The following APPBP2 variants were observed in gnomAD, a reference collection of about 807,000 sequenced individuals.
APPBP2 encodes amyloid protein-binding protein 2.
In APPBP2, 15 loss-of-function variants were observed where a neutral mutation model predicts 76.0. The ratio of observed to expected loss-of-function variants is 0.20; its 90% CI spans 0.13 to 0.30. APPBP2 has a LOEUF of 0.30. Among genes scored for constraint, APPBP2 ranks in the 10% least tolerant of loss-of-function variants. APPBP2 has a pLI of 1.00. For missense variants in APPBP2, 401 were observed against 687.2 expected, an observed-to-expected ratio of 0.58 and a Z score of 4.66; for synonymous variants, 222 against 242.2, an observed-to-expected ratio of 0.92 and a Z score of 0.77.
chr17:60,504,178 T>A (rs774281673), intron 1 of APPBP2, among the ~76,000 whole-genome samples: 1 of 152,184 alleles, frequency 6.6e-6, no homozygotes, highest in Non-Finnish European at 1.5e-5. Context: ...ATAATGAAGC[T>A]ATTAAAGGGC....
intron 1 of APPBP2, among the ~76,000 whole-genome samples, chr17:60,502,490 A>ATCC (rs1257091940): frequency 2.7e-5 from 4 of 148,288 alleles, no homozygotes; most frequent in African/African-American, 1.1e-4. Context: ...CTAAGACAAC[A>ATCC]ATCTTAGCTT....
rs1442318671 is a variant in APPBP2, at chr17:60,447,493, C to T, written c.*88G>A. ...CTGGACCAGTGTTTCAATGCAAATT[C>T]CAGCCCCCCAAAACAACATGGTTTT... On this transcript the variant is annotated 3_prime_UTR_variant, in exon 13 of 13. Coordinates refer to ENST00000083182, the MANE Select transcript of APPBP2 (RefSeq NM_006380.5). The T allele has an allele frequency of 2.0e-6, 3 of 1,478,386 alleles. No homozygotes were observed. The highest frequency in any genetic ancestry group is 2.7e-6 in the Non-Finnish European group (3 of 1,105,540). The allele number at this position is 1,478,386 out of a possible 1,614,324, so 91.6% of individuals were successfully genotyped here. A position where few individuals can be genotyped will look rare whatever the true frequency, so the allele number is the denominator to read the frequency against.
At chr17:60,515,272 T>C (rs890555728) in intron 1 of APPBP2, among the ~76,000 whole-genome samples, 3 of 151,902 alleles carry the variant, frequency 2.0e-5, no homozygotes, top group African/African-American at 4.8e-5. Context: ...CCAGCCACCA[T>C]GCCTGGCTAA....
intron 1 of APPBP2, among the ~76,000 whole-genome samples, chr17:60,512,413 T>C (rs1355710408): frequency 1.3e-5 from 2 of 152,126 alleles, no homozygotes; most frequent in African/African-American, 2.4e-5. Context: ...CTATATTGCA[T>C]ATAGAAAAAT....
intron 2 of APPBP2, among the ~76,000 whole-genome samples, chr17:60,498,473 T>A (rs1375324626): frequency 6.6e-6 from 1 of 152,114 alleles, no homozygotes; most frequent in Non-Finnish European, 1.5e-5. Context: ...CCAAAAAACA[T>A]TTACAAGAAT....
At chr17:60,510,026 C>G (rs528754286) in intron 1 of APPBP2, among the ~76,000 whole-genome samples, 2 of 150,674 alleles carry the variant, frequency 1.3e-5, no homozygotes, top group African/African-American at 5.0e-5. Flanking sequence ...TCCTTTACCT[C>G]TAACATAAAA....
intron 1 of APPBP2, 47 bp from the exon 2 acceptor site, chr17:60,500,534 C>T (rs1567936550): frequency 7.8e-7 from 1 of 1,277,254 alleles, no homozygotes; most frequent in African/African-American, 1.5e-5. Context: ...TTTAATTCTT[C>T]TTTTTACTTT....
At chr17:60,467,159 T>C (rs2090517329) in intron 4 of APPBP2, among the ~76,000 whole-genome samples, 1 of 152,180 alleles carries the variant, frequency 6.6e-6, no homozygotes, top group African/African-American at 2.4e-5. Context: ...TATTTATTTA[T>C]TTATTTATTT....
intron 11 of APPBP2, among the ~76,000 whole-genome samples, chr17:60,453,130 T>C (rs930579296): frequency 5.3e-5 from 8 of 152,196 alleles, no homozygotes; most frequent in South Asian, 2.1e-4. Flanking sequence ...GTTTGAAATA[T>C]AGCAATCATA....
chr17:60,490,038 A>C (rs1157038668), intron 3 of APPBP2, among the ~76,000 whole-genome samples: 2 of 115,310 alleles, frequency 1.7e-5, no homozygotes, highest in Non-Finnish European at 3.0e-5. Context: ...CCATCTCAGA[A>C]AACAAAACAA....
At chr17:60,465,729 A>C (rs879037655) in intron 5 of APPBP2, among the ~76,000 whole-genome samples, 1 of 152,152 alleles carries the variant, frequency 6.6e-6, no homozygotes, top group Non-Finnish European at 1.5e-5. Flanking sequence ...GCCCAACCAA[A>C]CAATTTAGGC....
In APPBP2 at chr17:60,466,347, C is replaced by A; in HGVS notation, c.616G>T (p.Ala206Ser). 2.5e-6 allele frequency: 4 copies of A among 1,613,998 alleles called. No homozygotes were observed. Among genetic ancestry groups the A allele is most frequent in the Non-Finnish European group, 3.4e-6 (4 of 1,179,992 alleles). Residue 206 changes from alanine (A) to serine (S), a missense_variant, in exon 5 of 13, where the codon GCT becomes TCT. Coordinates refer to ENST00000083182, the MANE Select transcript of APPBP2 (RefSeq NM_006380.5). ...GCACACAGTTCTCCATAGAGTGCAG[C>A]TTTATTTGCTTGCTGGCCATGTTTT... is the stretch of plus-strand genomic sequence containing the variant. ...LSKHGQQANK[A>S]ALYGELCALL...
At chr17:60,466,634 G>A (rs1352579171) in intron 4 of APPBP2, among the ~76,000 whole-genome samples, 175 bp from the exon 5 acceptor site, 3 of 152,148 alleles carry the variant, frequency 2.0e-5, no homozygotes, top group Non-Finnish European at 4.4e-5. Context: ...AGAAGTACAT[G>A]CTCTTTCCTG....
At position 60,494,522 on chromosome 17, in the gene APPBP2, A is replaced by G; in HGVS notation, c.323T>C (p.Ile108Thr). The change falls in exon 3 of 13, where the codon ATA becomes ACA. Residue 108 changes from isoleucine (I) to threonine (T), a missense_variant. Ile to Thr is a moderately conservative substitution (Grantham distance 89). Transcript: ENST00000083182. ...CTTTACTGCAGCATCTGATTCTGCT[A>G]TATAAGAGCACCGCCTACTGAATGA... Reference protein sequence around the residue: ...AYSFSRRCSYIAESDAAVKEK... With the variant: ...AYSFSRRCSYTAESDAAVKEK... 1.2e-6 allele frequency: 2 copies of G among 1,612,616 alleles called. No homozygotes were observed. The highest frequency in any genetic ancestry group is 2.2e-5 in the East Asian group (1 of 44,832).
chr17:60,455,163 G>A (rs1004839348), intron 10 of APPBP2, among the ~76,000 whole-genome samples: 2 of 151,868 alleles, frequency 1.3e-5, no homozygotes, highest in Non-Finnish European at 2.9e-5. Flanking sequence ...AATAATAAAG[G>A]TAAGGTTAAA....
At chr17:60,474,685 T>G (rs1274603895) in intron 4 of APPBP2, among the ~76,000 whole-genome samples, 1 of 152,168 alleles carries the variant, frequency 6.6e-6, no homozygotes, top group African/African-American at 2.4e-5. Flanking sequence ...CTGTAATAGG[T>G]TTGACGTGGT....
rs1350491400 is a variant in APPBP2, at chr17:60,445,106, A to G, written c.*2475T>C. On this transcript the variant is annotated 3_prime_UTR_variant, in exon 13 of 13. Transcript: ENST00000083182. Reference sequence around the variant, plus strand: ...TCATAGGGTATTATTCTTCATTAGAACCAGAAATAATAGCACATTAAGTCA... The same window carrying G: ...TCATAGGGTATTATTCTTCATTAGAGCCAGAAATAATAGCACATTAAGTCA... 2.6e-5 allele frequency: 4 copies of G among 152,178 alleles called. No homozygotes were observed. The highest frequency in any genetic ancestry group is 9.7e-5 in the African/African-American group (4 of 41,438). 9.4% of individuals were successfully genotyped at this position (152,178 alleles called of 1,614,324 possible).
At chr17:60,484,795 T>C (rs1012884179) in intron 3 of APPBP2, among the ~76,000 whole-genome samples, 3 of 152,156 alleles carry the variant, frequency 2.0e-5, no homozygotes, top group African/African-American at 7.2e-5. Flanking sequence ...GACAGAAAAC[T>C]GTCTTGTGCC....
At position 60,443,384 on chromosome 17, in the gene APPBP2, G is replaced by A. The variant is rs183055530; in HGVS notation, c.*4197C>T. On this transcript the variant is annotated 3_prime_UTR_variant, in exon 13 of 13. Coordinates refer to ENST00000083182, the MANE Select transcript of APPBP2 (RefSeq NM_006380.5). Reference sequence around the variant, plus strand: ...AGATATTTCTATAGAAATTATTGTGGCACTATTAGTGGGGATTTTCACGTA... The same window carrying A: ...AGATATTTCTATAGAAATTATTGTGACACTATTAGTGGGGATTTTCACGTA... 9.1e-4 allele frequency: 139 copies of A among 152,646 alleles called. No homozygotes were observed. The highest frequency in any genetic ancestry group is 2.2e-4 in the Non-Finnish European group (15 of 68,010). The allele number at this position is 152,646 out of a possible 1,614,324, so 9.5% of individuals were successfully genotyped here. A position where few individuals can be genotyped will look rare whatever the true frequency, so the allele number is the denominator to read the frequency against.
Sources: allele counts gnomAD v4.1 joint callset (sites outside exome capture counted in the v4.1 genomes callset), GRCh38; gene constraint gnomAD v4.1.1; transcripts MANE v1.5; gene names NCBI Gene and HGNC (gene_info 2026-07-23, HGNC 2026-07-21).